Variants in TPM1 observed in about 807,000 individuals in gnomAD.
TPM1 encodes tropomyosin 1, also known as tropomyosin alpha-1 chain.
TPM1 carries 24 observed loss-of-function variants against 42.9 expected under a neutral mutation model. The observed-to-expected ratio is 0.56, with a 90% confidence interval of 0.41 to 0.79. TPM1 has a LOEUF of 0.79. Among genes scored for constraint, TPM1 ranks in the 30% least tolerant of loss-of-function variants. The probability of loss-of-function intolerance (pLI) is 0.00; values close to 1 mark genes in which losing one functional copy is unlikely to be tolerated. For missense variants in TPM1, 158 were observed against 351.8 expected (o/e 0.45, Z 4.41); for synonymous variants, 136 against 130.1 (o/e 1.05, Z -0.31).
chr15:63,065,649 AT>A (rs1566972245), intron 9 of TPM1: 1 of 984,386 alleles, frequency 1.0e-6, no homozygotes, highest in Non-Finnish European at 1.2e-6. Context: ...GTAGCTTAAA[AT>A]TTTTTTTGTT....
downstream of TPM1, chr15:63,070,170 T>C (rs1208440400): frequency 1.6e-5 from 22 of 1,357,428 alleles, no homozygotes; most frequent in South Asian, 1.0e-4. Context: ...AGAATACTTA[T>C]ATCAATTCAG....
At chr15:63,058,475 G>C (rs978157591) in intron 3 of TPM1, among the ~76,000 whole-genome samples, 1 of 152,192 alleles carries the variant, frequency 6.6e-6, no homozygotes, top group Non-Finnish European at 1.5e-5. Context: ...AGGGGGCCGA[G>C]GCGGGCAGAT....
downstream of TPM1, among the ~76,000 whole-genome samples, chr15:63,068,508 C>T (rs2036411461): frequency 6.6e-6 from 1 of 152,168 alleles, no homozygotes; most frequent in Admixed American, 6.5e-5. Context: ...GAGAACTGCT[C>T]AGTCTCCTGA....
downstream of TPM1, among the ~76,000 whole-genome samples, chr15:63,068,058 A>G (rs181009979): frequency 2.6e-4 from 39 of 152,310 alleles, no homozygotes; most frequent in East Asian, 5.2e-3. Flanking sequence ...CTGGCCAAAC[A>G]TTTGGGCTCA....
intron 8 of TPM1, chr15:63,063,195 T>C: frequency 1.0e-6 from 1 of 985,440 alleles, no homozygotes; most frequent in Non-Finnish European, 1.2e-6. Context: ...AACCACTCTA[T>C]CTCACAGATA....
At position 63,065,915 on chromosome 15, in the gene TPM1, T is replaced by G. The variant is rs1047169783; in HGVS notation, c.*16T>G. ...ACGCAGATAAGTTTCTTTGCTTCAC[T>G]TCTCCCAAGACTCCCTCGTCGAGCT... On this transcript the variant is annotated 3_prime_UTR_variant, in exon 10 of 10. Transcript: ENST00000403994. 1.9e-6 allele frequency: 3 copies of G among 1,611,572 alleles called. No homozygotes were observed. In the Admixed American group the frequency reaches 5.0e-5, roughly 27 times the overall value.
intron 2 of TPM1, chr15:63,055,694 C>CCT (rs1416630202): frequency 6.6e-6 from 1 of 152,246 alleles, no homozygotes; most frequent in South Asian, 2.1e-4. Context: ...CTAGAAAACT[C>CCT]CTAAGTGTTC....
intron 2 of TPM1, chr15:63,048,704 G>A (rs1251045480): frequency 1.3e-6 from 2 of 1,537,848 alleles, no homozygotes; most frequent in Admixed American, 2.0e-5. Context: ...AGCTGAGGGA[G>A]ACCGTAAGGG....
chr15:63,053,925 C>T lies in TPM1; in HGVS notation c.241-3060C>T, dbSNP rs137915021. Among the ~76,000 whole-genome samples the T allele has an allele frequency of 8.6e-4, 130 of 151,932 alleles. No homozygotes were observed. The East Asian group carries it at 0.023, about 27-fold the overall frequency. On this transcript the variant is annotated intron_variant, in intron 2 of 9. Transcript: ENST00000403994. ...TCGAACTCCTGACCTCATGATTGCCCGCCTCGGCCTCCCAAAGTGCTGGGA... is the reference window on the plus strand; with the variant it reads ...TCGAACTCCTGACCTCATGATTGCCTGCCTCGGCCTCCCAAAGTGCTGGGA...
Position 63,057,137 on chromosome 15 carries a change from C to T in TPM1, c.374+19C>T. On this transcript the variant is annotated intron_variant, in intron 3 of 9. Transcript: ENST00000403994. ...GTGAGAGGTGAGAATGCCTCATCAG[C>T]CATCTTTTGCAGCTGCCTTTCCTGG... The T allele has an allele frequency of 1.2e-6, 2 of 1,613,772 alleles. No homozygotes were observed. Among genetic ancestry groups the T allele is most frequent in the African/African-American group, 2.7e-5 (2 of 75,048 alleles).
At position 63,071,203 on chromosome 15, in the gene TPM1, G is replaced by A. The variant is rs11558748; in HGVS notation, c.*31G>A. On this transcript the variant is annotated 3_prime_UTR_variant, in exon 9 of 9. Transcript: ENST00000267996. Reference sequence around the variant, plus strand: ...TCCTTAGCTGCGACCACATTCTTTCGTTTTGTTTTGTTTTGTTTTTAAACA... The same window carrying A: ...TCCTTAGCTGCGACCACATTCTTTCATTTTGTTTTGTTTTGTTTTTAAACA... 211 of 235,946 alleles carry A rather than the reference G, an allele frequency of 8.9e-4. 1 individual carries two copies. The highest frequency in any genetic ancestry group is 4.8e-3 in the East Asian group (12 of 2,526). 14.6% of individuals were successfully genotyped at this position (235,946 alleles called of 1,614,324 possible).
chr15:63,052,663 C>T (rs1259388433), intron 2 of TPM1, among the ~76,000 whole-genome samples: 6 of 151,992 alleles, frequency 3.9e-5, no homozygotes, highest in African/African-American at 7.3e-5. Context: ...AACAGATGGT[C>T]ATGTGTCTAT....
At chr15:63,049,351 A>T (rs1259060964) in intron 2 of TPM1, 3 of 152,544 alleles carry the variant, frequency 2.0e-5, no homozygotes, top group Non-Finnish European at 4.4e-5. Context: ...TCTCATACAG[A>T]TAGATAATGC....
chr15:63,044,301 G>C, intron 2 of TPM1, 149 bp downstream of exon 2: 1 of 1,062,218 alleles, frequency 9.4e-7, no homozygotes, highest in Non-Finnish European at 1.4e-6. Context: ...ATTGGATGCC[G>C]CCTCTGACTG....
downstream of TPM1, among the ~76,000 whole-genome samples, chr15:63,067,048 G>C (rs1268430491): frequency 6.6e-6 from 1 of 151,860 alleles, no homozygotes; most frequent in Non-Finnish European, 1.5e-5. Context: ...ATGGACTTTA[G>C]TGTTATAATT....
At chr15:63,061,861 A>G in intron 6 of TPM1, 73 bp downstream of exon 6, 1 of 1,317,652 alleles carries the variant, frequency 7.6e-7, no homozygotes, top group South Asian at 1.2e-5. Flanking sequence ...CCAGAAAGCA[A>G]CACTTACAGT....
At chr15:63,043,513 G>A in intron 1 of TPM1, 4 of 863,366 alleles carry the variant, frequency 4.6e-6, no homozygotes, top group Admixed American at 2.0e-5. Context: ...TCGTCCCAGG[G>A]CAGGTGGGTG....
intron 2 of TPM1, chr15:63,048,624 C>G: frequency 6.5e-6 from 10 of 1,536,876 alleles, no homozygotes; most frequent in Non-Finnish European, 8.7e-6. Context: ...GATCCGGAGC[C>G]TGCAGGAGCA....
intron 2 of TPM1, among the ~76,000 whole-genome samples, chr15:63,054,993 A>G (rs934288682): frequency 5.3e-5 from 8 of 151,320 alleles, no homozygotes; most frequent in African/African-American, 1.9e-4. Flanking sequence ...CCAAAAGTAT[A>G]TCCTTAATAT....
Sources: gnomAD v4.1 joint callset for allele counts (sites outside exome capture counted in the v4.1 genomes callset) on GRCh38, gnomAD v4.1.1 for gene constraint, MANE v1.5 for transcripts, NCBI Gene and HGNC (gene_info 2026-07-23, HGNC 2026-07-21) for gene names.